Variants in RABGAP1L observed in about 807,000 individuals in gnomAD.
The protein encoded by RABGAP1L is rab GTPase-activating protein 1-like.
RABGAP1L carries 63 observed loss-of-function variants against 137.7 expected under a neutral mutation model. That is an observed-to-expected ratio of 0.46 (90% CI 0.37 to 0.56). The LOEUF (loss-of-function observed/expected upper bound fraction) is 0.56, where lower values mean the gene tolerates loss of function less well. RABGAP1L is among the 20% of genes least tolerant of loss of function. The pLI, the probability that RABGAP1L is intolerant of heterozygous loss-of-function variation, is 0.00. For missense variants in RABGAP1L, 1,095 were observed against 1,244.0 expected (o/e 0.88, Z 1.80); for synonymous variants, 431 against 433.7 (o/e 0.99, Z 0.08).
chr1:174,311,496 T>G (rs1329501200), intron 11 of RABGAP1L, among the ~76,000 whole-genome samples: 1 of 152,248 alleles, frequency 6.6e-6, no homozygotes. Context: ...TTTTGATTTT[T>G]AGATTCCACA....
chr1:174,589,007 T>A (rs1669344187), intron 13 of RABGAP1L, among the ~76,000 whole-genome samples: 1 of 152,192 alleles, frequency 6.6e-6, no homozygotes, highest in African/African-American at 2.4e-5. Context: ...CTGTTTTTAA[T>A]TTTTTGCAGA....
At chr1:174,791,684 G>A (rs989733983) in intron 18 of RABGAP1L, among the ~76,000 whole-genome samples, 1 of 152,178 alleles carries the variant, frequency 6.6e-6, no homozygotes, top group Non-Finnish European at 1.5e-5. Context: ...GGGGATGAAC[G>A]AACTGAGATA....
At chr1:174,654,108 A>C (rs574573960) in intron 14 of RABGAP1L, among the ~76,000 whole-genome samples, 1 of 152,342 alleles carries the variant, frequency 6.6e-6, no homozygotes, top group South Asian at 2.1e-4. Flanking sequence ...TTTGTTTCTA[A>C]GGAACATTTG....
chr1:174,657,217 G>A (rs1342402766), intron 14 of RABGAP1L, among the ~76,000 whole-genome samples: 1 of 152,062 alleles, frequency 6.6e-6, no homozygotes, highest in East Asian at 1.9e-4. Context: ...AAGGTAATTA[G>A]CATTTCCATC....
At chr1:174,973,018 T>C (rs945394668) in intron 21 of RABGAP1L, among the ~76,000 whole-genome samples, 2 of 152,194 alleles carry the variant, frequency 1.3e-5, no homozygotes, top group African/African-American at 4.8e-5. Context: ...GTATAGTGGT[T>C]GGCTGTACAA....
chr1:174,597,468 C>T (rs934648968), intron 13 of RABGAP1L, among the ~76,000 whole-genome samples: 2 of 151,792 alleles, frequency 1.3e-5, no homozygotes, highest in South Asian at 2.1e-4. Context: ...AGGAATTTGT[C>T]CATTTCTTCT....
At chr1:174,214,787 A>G (rs919703409) in intron 1 of RABGAP1L, among the ~76,000 whole-genome samples, 3 of 152,168 alleles carry the variant, frequency 2.0e-5, no homozygotes, top group Admixed American at 6.5e-5. Context: ...ATATCCATAT[A>G]CAGAAGGATG....
chr1:174,346,082 C>T (rs80075076), intron 11 of RABGAP1L, among the ~76,000 whole-genome samples: 3 of 152,148 alleles, frequency 2.0e-5, no homozygotes, highest in South Asian at 2.1e-4. Flanking sequence ...ACTTTTATCT[C>T]GAGGATAAAT....
At chr1:174,648,367 C>T (rs930774450) in intron 14 of RABGAP1L, among the ~76,000 whole-genome samples, 13 of 152,074 alleles carry the variant, frequency 8.5e-5, no homozygotes, top group South Asian at 2.1e-4. Flanking sequence ...TCTCTAAACA[C>T]GCTTTAACTG....
At chr1:174,350,873 G>A (rs1242228800) in intron 11 of RABGAP1L, among the ~76,000 whole-genome samples, 5 of 98,530 alleles carry the variant, frequency 5.1e-5, no homozygotes, top group South Asian at 4.1e-4. Context: ...CGGATCACTC[G>A]CGGTTAGGGG....
chr1:174,824,969 A>G (rs1404078825), intron 19 of RABGAP1L, among the ~76,000 whole-genome samples: 1 of 152,218 alleles, frequency 6.6e-6, no homozygotes, highest in South Asian at 2.1e-4. Context: ...GGAGAAAATT[A>G]TATTCCTTGC....
intron 14 of RABGAP1L, among the ~76,000 whole-genome samples, chr1:174,668,294 C>T (rs1449201577): frequency 1.3e-5 from 2 of 152,146 alleles, no homozygotes; most frequent in East Asian, 3.8e-4. Context: ...TGGTGACCAC[C>T]ATTCTACTTT....
At position 174,385,224 on chromosome 1, in the gene RABGAP1L, T is replaced by G. The variant is rs1475034860; in HGVS notation, c.1560-8771T>G. Among the ~76,000 whole-genome samples the G allele has an allele frequency of 2.0e-5, 3 of 152,216 alleles. No homozygotes were observed. The East Asian group carries it at 5.8e-4, about 29-fold the overall frequency. On this transcript the variant is annotated intron_variant, in intron 12 of 25. Coordinates refer to ENST00000681986, the MANE Select transcript of RABGAP1L (RefSeq NM_001366446.1). ...CATGTGATCGGATTCTGGATATATT[T>G]TAAGAGAGTACTGACTGTATTTGCT...
chr1:174,285,259 T>C (rs1571916581), intron 10 of RABGAP1L, among the ~76,000 whole-genome samples: 1 of 152,226 alleles, frequency 6.6e-6, no homozygotes, highest in East Asian at 1.9e-4. Flanking sequence ...TCAGGTGATC[T>C]GCCTGCCTTG....
intron 18 of RABGAP1L, among the ~76,000 whole-genome samples, chr1:174,775,657 A>G (rs1182214388): frequency 6.6e-6 from 1 of 151,970 alleles, no homozygotes; most frequent in Non-Finnish European, 1.5e-5. Context: ...TATATAGTCT[A>G]CCCTACTGAC....
chr1:174,195,704 CCTTCTTTCTTTTCTTTCTTTTCTTTCT>C (rs1312285555), intron 1 of RABGAP1L, among the ~76,000 whole-genome samples: 48 of 105,530 alleles, frequency 4.5e-4, no homozygotes, highest in African/African-American at 2.2e-3. Flanking sequence ...TTCCTTCTTT[CCTTCTTTCTTTTCTTTCTTTTCTTTCT>C]TTTCTTTCTT....
intron 3 of RABGAP1L, among the ~76,000 whole-genome samples, chr1:174,225,721 C>G (rs1363570154): frequency 6.6e-6 from 1 of 152,074 alleles, no homozygotes; most frequent in African/African-American, 2.4e-5. Context: ...CTCTGGCTTC[C>G]TTGGGCCATT....
intron 13 of RABGAP1L, among the ~76,000 whole-genome samples, chr1:174,524,153 A>G (rs1572164079): frequency 6.6e-6 from 1 of 151,868 alleles, no homozygotes; most frequent in East Asian, 1.9e-4. Context: ...GATAACCAGT[A>G]GTTGGATTGC....
chr1:174,179,544 GCA>G (rs56839600), intron 1 of RABGAP1L, among the ~76,000 whole-genome samples: 21,031 of 146,878 alleles, frequency 0.14, 1,798 homozygotes, highest in East Asian at 0.37. Context: ...CTTAGCACGT[GCA>G]CACACACACA....
Sources: allele counts gnomAD v4.1 joint callset (sites outside exome capture counted in the v4.1 genomes callset), GRCh38; gene constraint gnomAD v4.1.1; transcripts MANE v1.5; gene names NCBI Gene and HGNC (gene_info 2026-07-23, HGNC 2026-07-21).